The following PC variants were observed in gnomAD, a reference collection of about 807,000 sequenced individuals.
The protein encoded by PC is pyruvate carboxylase.
In PC, 46 loss-of-function variants were observed where a neutral mutation model predicts 107.8. The observed-to-expected ratio is 0.43, with a 90% confidence interval of 0.34 to 0.55. The LOEUF is 0.55. Ranked by LOEUF, PC falls within the 20% of genes least tolerant of loss-of-function variation. PC has a pLI of 0.04. For missense variants in PC, 1,241 were observed against 1,643.1 expected, an observed-to-expected ratio of 0.76 and a Z score of 4.23; for synonymous variants, 662 against 684.7, an observed-to-expected ratio of 0.97 and a Z score of 0.52.
At chr11:66,860,626 C>A (rs1052999766) in intron 12 of PC, 4 of 701,420 alleles carry the variant, frequency 5.7e-6, no homozygotes, top group African/African-American at 1.7e-5. Flanking sequence ...TCCACAGGGG[C>A]GGCCCAGGGC....
Position 66,857,613 on chromosome 11 carries a change from GGCCTCTGACCCA to G in PC, c.1369-4242_1369-4231del. On this transcript the variant is annotated intron_variant, in intron 12 of 22. Coordinates refer to ENST00000393960, the MANE Select transcript of PC (RefSeq NM_001040716.2). The surrounding 1 kb of genome is among the most constrained non-coding windows in gnomAD (Gnocchi z 7.1). Reference sequence around the variant, plus strand: ...TCCCTCATCTCTGGCGGCCCTCTTGGGCCTCTGACCCAGCCCCTCCCCGGGCCAGGCTCACAG... The same window carrying G: ...TCCCTCATCTCTGGCGGCCCTCTTGGGCCCCTCCCCGGGCCAGGCTCACAG... 9.9e-7 allele frequency: 1 copy of G among 1,013,966 alleles called. No individual in the cohort carries two copies. The allele number at this position is 1,013,966 out of a possible 1,614,324, so 62.8% of individuals were successfully genotyped here. A position where few individuals can be genotyped will look rare whatever the true frequency, so the allele number is the denominator to read the frequency against.
rs1213310548 is a variant in PC at position 66,848,662 on chromosome 11, TGAG to T, written c.*234_*236del. On this transcript the variant is annotated 3_prime_UTR_variant, in exon 23 of 23. Transcript: ENST00000393960. ...CTGACCCACCACTTGTAGTCTCCAG[TGAG>T]GAGGGGACCCTTATTTGGCAAGAGA... The T allele has an allele frequency of 3.2e-6, 2 of 623,118 alleles. No individual in the cohort carries two copies. Among genetic ancestry groups the T allele is most frequent in the Admixed American group, 2.7e-5 (1 of 36,986 alleles). The allele number at this position is 623,118 out of a possible 1,614,324, so 38.6% of individuals were successfully genotyped here.
intron 3 of PC, among the ~76,000 whole-genome samples, chr11:66,947,162 T>C (rs1181964641): frequency 2.6e-5 from 4 of 152,122 alleles, no homozygotes; most frequent in Non-Finnish European, 5.9e-5. Context: ...AAAGGAAATA[T>C]ATGTTCACAC....
intron 9 of PC, among the ~76,000 whole-genome samples, chr11:66,869,177 G>A (rs907375783): frequency 2.2e-4 from 34 of 152,234 alleles, no homozygotes; most frequent in African/African-American, 6.5e-4. Flanking sequence ...TAGGCTCCAG[G>A]GTTCCCGGAG....
intron 3 of PC, chr11:66,934,326 T>C (rs1379227132): frequency 2.0e-5 from 3 of 152,622 alleles, no homozygotes. Context: ...GACTGTGTGA[T>C]TTCATTTGTT....
At chr11:66,878,053 C>T (rs777336267) in intron 3 of PC, among the ~76,000 whole-genome samples, 9 of 152,112 alleles carry the variant, frequency 5.9e-5, no homozygotes, top group Non-Finnish European at 1.3e-4. Flanking sequence ...GGAAGAGCTC[C>T]GCAGGAAAAG....
Position 66,870,861 on chromosome 11 carries a change from G to A in PC, c.665C>T (p.Ser222Leu). ...ELEENYTRAYSEALAAFGNGA... is the reference protein window; with the variant it reads ...ELEENYTRAYLEALAAFGNGA... ...ATTCCCAAAGGCGGCCAGAGCCTCT[G>A]AGTAGGCCCGGGTGTAATTCTCCTC... The change falls in exon 8 of 23, where the codon TCA becomes TTA. Residue 222 changes from serine (S) to leucine (L), a missense_variant. Ser to Leu is a moderately radical substitution (Grantham distance 145). Coordinates refer to ENST00000393960, the MANE Select transcript of PC (RefSeq NM_001040716.2). This position sits in a 1 kb window ranked among gnomAD's most constrained non-coding sequence, Gnocchi z 6.1. The A allele has an allele frequency of 6.2e-7, 1 of 1,613,472 alleles. No homozygotes were observed. The highest frequency in any genetic ancestry group is 8.5e-7 in the Non-Finnish European group (1 of 1,180,004).
intron 13 of PC, 153 bp downstream of exon 13, chr11:66,853,086 G>A (rs1049606957): frequency 8.3e-6 from 7 of 843,714 alleles, no homozygotes; most frequent in Non-Finnish European, 1.3e-5. Context: ...GCAGGGTGCA[G>A]GACAAGAGGA....
At chr11:66,946,959 T>G (rs1048945978) in intron 3 of PC, among the ~76,000 whole-genome samples, 1 of 152,154 alleles carries the variant, frequency 6.6e-6, no homozygotes, top group Admixed American at 6.6e-5. Flanking sequence ...ATATACCTTT[T>G]TAAATGGCTA....
At chr11:66,939,804 C>CAAAAAAAAAAAAAAAAAAAAAAAAAAAA (rs56761659) in intron 3 of PC, among the ~76,000 whole-genome samples, 2 of 40,158 alleles carry the variant, frequency 5.0e-5, no homozygotes, top group Admixed American at 3.9e-4. Context: ...AACTCCGTCT[C>CAAAAAAAAAAAAAAAAAAAAAAAAAAAA]AAAAAAAAAA....
intron 3 of PC, among the ~76,000 whole-genome samples, chr11:66,902,629 TC>T (rs1948001217): frequency 1.3e-5 from 2 of 152,052 alleles, no homozygotes; most frequent in African/African-American, 4.8e-5. Flanking sequence ...TACCAATCTC[TC>T]CTCCCTGCCT....
intron 3 of PC, among the ~76,000 whole-genome samples, chr11:66,949,621 G>A (rs1200100157): frequency 6.6e-6 from 1 of 152,042 alleles, no homozygotes; most frequent in African/African-American, 2.4e-5. Flanking sequence ...GAACCAGGAG[G>A]CGGAGGTTGC....
At chr11:66,900,401 A>T (rs1356254553) in intron 3 of PC, among the ~76,000 whole-genome samples, 4 of 152,004 alleles carry the variant, frequency 2.6e-5, no homozygotes, top group African/African-American at 9.7e-5. Context: ...TGACCTCATG[A>T]TCCGCCCGCC....
chr11:66,878,886 C>T (rs979472045), intron 3 of PC, among the ~76,000 whole-genome samples: 12 of 152,216 alleles, frequency 7.9e-5, no homozygotes, highest in Admixed American at 1.3e-4. Context: ...GGCCCACAGT[C>T]CACTGGCCGG....
At chr11:66,883,840 C>A (rs1947266748) in intron 3 of PC, among the ~76,000 whole-genome samples, 1 of 152,110 alleles carries the variant, frequency 6.6e-6, no homozygotes, top group African/African-American at 2.4e-5. Context: ...AATCTCAGCA[C>A]TTTAAGAGGC....
chr11:66,948,872 C>T (rs980910389), intron 3 of PC, among the ~76,000 whole-genome samples: 12 of 151,426 alleles, frequency 7.9e-5, no homozygotes, highest in South Asian at 4.2e-4. Flanking sequence ...AAACATAAAA[C>T]GGTATAGGAA....
chr11:66,851,246 C>T lies in PC; in HGVS notation c.2017G>A (p.Val673Ile). ...TTGAGGGAGTCAAACACACGGAAGA[C>T]ATCCATGCCATTCTCTTTGGCCACT... ...CEVAKENGMD[V>I]FRVFDSLNYL... The change falls in exon 17 of 23, where the codon GTC becomes ATC. Residue 673 changes from valine to isoleucine, a missense_variant. Transcript: ENST00000393960. The T allele has an allele frequency of 6.2e-7, 1 of 1,603,164 alleles. No homozygotes were observed. Among genetic ancestry groups the T allele is most frequent in the South Asian group, 1.1e-5 (1 of 91,090 alleles).
At chr11:66,908,205 C>T (rs919921841) in intron 3 of PC, among the ~76,000 whole-genome samples, 1 of 152,162 alleles carries the variant, frequency 6.6e-6, no homozygotes, top group Non-Finnish European at 1.5e-5. Flanking sequence ...AGAGACAGGG[C>T]ATCTGGCCTA....
chr11:66,870,872 G>T lies in PC; in HGVS notation c.654C>A (p.Thr218=), dbSNP rs1318831757. The T allele has an allele frequency of 1.2e-6, 2 of 1,613,268 alleles. No homozygotes were observed. The highest frequency in any genetic ancestry group is 2.2e-5 in the South Asian group (2 of 91,090). ...HSYEELEENY[T]RAYSEALAAF... Reference sequence around the variant, plus strand: ...CGGCCAGAGCCTCTGAGTAGGCCCGGGTGTAATTCTCCTCCAGCTCCTGCG... The same window carrying T: ...CGGCCAGAGCCTCTGAGTAGGCCCGTGTGTAATTCTCCTCCAGCTCCTGCG... Residue 218 remains threonine (T), a synonymous_variant, in exon 8 of 23, where the codon ACC becomes ACA. Coordinates refer to ENST00000393960, the MANE Select transcript of PC (RefSeq NM_001040716.2). This position sits in a 1 kb window ranked among gnomAD's most constrained non-coding sequence, Gnocchi z 6.1.
Sources: gnomAD v4.1 joint callset for allele counts (sites outside exome capture counted in the v4.1 genomes callset) on GRCh38, gnomAD v4.1.1 for gene constraint, Gnocchi (gnomAD v3.1) non-coding constraint, MANE v1.5 for transcripts, NCBI Gene and HGNC (gene_info 2026-07-23, HGNC 2026-07-21) for gene names.